Variants in NRG1 observed in about 807,000 individuals in gnomAD.
NRG1 encodes the protein neuregulin 1.
In NRG1, 18 loss-of-function variants were observed where a neutral mutation model predicts 63.8. That is an observed-to-expected ratio of 0.28 (90% confidence interval 0.19 to 0.42). NRG1 has a LOEUF of 0.42. NRG1 is among the 10% of genes least tolerant of loss of function. NRG1 has a pLI of 1.00. For synonymous variants in NRG1, 302 were observed against 301.3 expected (o/e 1.00, Z -0.02); for missense variants, 762 against 814.7 (o/e 0.94, Z 0.79).
At chr8:32,701,058 G>T (rs535040026) in intron 5 of NRG1, among the ~76,000 whole-genome samples, 1 of 152,222 alleles carries the variant, frequency 6.6e-6, no homozygotes, top group South Asian at 2.1e-4. Flanking sequence ...TTTCAACTCA[G>T]TAGTACTTCC....
intron 1 of NRG1, among the ~76,000 whole-genome samples, chr8:32,487,686 C>A (rs1826072524): frequency 6.6e-6 from 1 of 152,150 alleles, no homozygotes; most frequent in East Asian, 1.9e-4. Flanking sequence ...CATTTGGTGC[C>A]ACTGAACTCT....
At chr8:31,815,568 C>T (rs1055648927) in intron 1 of NRG1, among the ~76,000 whole-genome samples, 1 of 152,118 alleles carries the variant, frequency 6.6e-6, no homozygotes, top group Non-Finnish European at 1.5e-5. Context: ...GTACAGATAT[C>T]TCTTTGAGTC....
intron 1 of NRG1, among the ~76,000 whole-genome samples, chr8:31,754,683 C>A (rs944233451): frequency 6.6e-6 from 1 of 152,068 alleles, no homozygotes. Context: ...CATTCCAGAG[C>A]ATTCCATCTA....
At chr8:31,849,955 T>C (rs1255805116) in intron 1 of NRG1, among the ~76,000 whole-genome samples, 1 of 152,206 alleles carries the variant, frequency 6.6e-6, no homozygotes, top group East Asian at 1.9e-4. Context: ...GTAATGAAGA[T>C]AAGATAAATT....
chr8:31,833,781 T>C (rs995655973), intron 1 of NRG1, among the ~76,000 whole-genome samples: 11 of 152,172 alleles, frequency 7.2e-5, no homozygotes, highest in Non-Finnish European at 1.5e-5. Context: ...TGTAAATATA[T>C]ACAATTTGTG....
intron 7 of NRG1, chr8:32,749,761 T>C (rs1828307812): frequency 1.5e-6 from 1 of 650,738 alleles, no homozygotes; most frequent in African/African-American, 1.8e-5. Flanking sequence ...TTTACTGAAA[T>C]GTTACTGAGT....
chr8:32,600,984 G>A lies in NRG1; in HGVS notation c.279-4578G>A, dbSNP rs538388543. Among the ~76,000 whole-genome samples the A allele has an allele frequency of 1.2e-4, 18 of 152,178 alleles. No individual in the cohort carries two copies. The South Asian group carries it at 3.5e-3, about 30-fold the overall frequency. On this transcript the variant is annotated intron_variant, in intron 2 of 11. Transcript: ENST00000356819. ...CAGAAAAGAAAAAAAGAAGACTGTT[G>A]TATCCATACTTATCAAAGCCCCAAA...
intron 1 of NRG1, among the ~76,000 whole-genome samples, chr8:31,827,469 A>T (rs1586673260): frequency 6.6e-6 from 1 of 152,154 alleles, no homozygotes; most frequent in Non-Finnish European, 1.5e-5. Context: ...AATGAATTCT[A>T]ATGAGTGAAT....
chr8:32,727,859 C>T, intron 5 of NRG1, 90 bp from the exon 6 acceptor site: 1 of 1,328,140 alleles, frequency 7.5e-7, no homozygotes, highest in Non-Finnish European at 1.1e-6. Flanking sequence ...CTTATATGAA[C>T]TCTTCCTTTT....
chr8:32,375,886 C>T (rs938917215), intron 1 of NRG1, among the ~76,000 whole-genome samples: 8 of 152,272 alleles, frequency 5.3e-5, no homozygotes, highest in South Asian at 4.1e-4. Flanking sequence ...AGAGTATGGT[C>T]GGCCCTTAAA....
intron 1 of NRG1, among the ~76,000 whole-genome samples, chr8:31,954,272 G>T (rs1803996762): frequency 6.6e-6 from 1 of 152,138 alleles, no homozygotes; most frequent in African/African-American, 2.4e-5. Context: ...AATAACTTGA[G>T]AAAAGTGACT....
chr8:31,985,100 CAG>C (rs1166194409), intron 1 of NRG1, among the ~76,000 whole-genome samples: 1 of 151,924 alleles, frequency 6.6e-6, no homozygotes, highest in Non-Finnish European at 1.5e-5. Flanking sequence ...ATTCCTGTGT[CAG>C]AGAGTGTTTA....
At chr8:32,537,087 T>C (rs948559586) in intron 1 of NRG1, among the ~76,000 whole-genome samples, 1 of 147,538 alleles carries the variant, frequency 6.8e-6, no homozygotes, top group African/African-American at 2.5e-5. Flanking sequence ...TGCCAGCTAC[T>C]CGGGAGGCTG....
chr8:32,176,645 A>T (rs1175300242), intron 1 of NRG1, among the ~76,000 whole-genome samples: 1 of 152,154 alleles, frequency 6.6e-6, no homozygotes, highest in Admixed American at 6.6e-5. Flanking sequence ...AAAACAAACA[A>T]CCCCATCAAA....
At chr8:32,418,511 T>G (rs1030362520) in intron 1 of NRG1, among the ~76,000 whole-genome samples, 4 of 152,086 alleles carry the variant, frequency 2.6e-5, no homozygotes, top group Non-Finnish European at 1.5e-5. Context: ...GCACGTATTT[T>G]ACACTTACAG....
intron 1 of NRG1, among the ~76,000 whole-genome samples, chr8:32,204,645 G>A (rs1352076118): frequency 6.6e-6 from 1 of 152,180 alleles, no homozygotes; most frequent in Non-Finnish European, 1.5e-5. Context: ...AATGCCTGAG[G>A]TGTTAACGGA....
intron 1 of NRG1, among the ~76,000 whole-genome samples, chr8:31,922,529 A>G (rs907176835): frequency 1.3e-5 from 2 of 152,174 alleles, no homozygotes; most frequent in African/African-American, 4.8e-5. Context: ...AGTCACCTCT[A>G]TGTCATTGTC....
Position 31,742,064 on chromosome 8 carries a change from A to G in NRG1, c.37+102633A>G, listed in dbSNP as rs531929405. On this transcript the variant is annotated intron_variant, in intron 1 of 10. Transcript: ENST00000519301. ...CTCATCAATCTGGATGAATTTCAAA[A>G]CCAAAATGCTAAGAGGAAAGTGCAA... Among the ~76,000 whole-genome samples, 102 of 152,174 alleles carry G rather than the reference A, an allele frequency of 6.7e-4. 1 individual carries two copies. The highest frequency in any genetic ancestry group is 1.2e-3 in the South Asian group (6 of 4,826).
chr8:32,036,975 C>G (rs577918050), intron 1 of NRG1, among the ~76,000 whole-genome samples: 2 of 152,148 alleles, frequency 1.3e-5, no homozygotes, highest in Admixed American at 6.5e-5. Context: ...AGGGCCCTTA[C>G]TGGAGATATG....
Sources: allele counts gnomAD v4.1 joint callset (sites outside exome capture counted in the v4.1 genomes callset), GRCh38; gene constraint gnomAD v4.1.1; transcripts MANE v1.5; gene names NCBI Gene and HGNC (gene_info 2026-07-23, HGNC 2026-07-21).